The following FAM184B variants were observed in gnomAD, a reference collection of about 807,000 sequenced individuals.
FAM184B encodes the protein family with sequence similarity 184 member B, also known as protein FAM184B.
A neutral mutation model predicts 135.9 loss-of-function variants in FAM184B; 111 were observed. The observed-to-expected ratio is 0.82, with a 90% CI of 0.70 to 0.96. The LOEUF (loss-of-function observed/expected upper bound fraction) is 0.96, where lower values mean the gene tolerates loss of function less well. Ranked by LOEUF, FAM184B falls within the 40% of genes least tolerant of loss-of-function variation. The probability of loss-of-function intolerance (pLI) is 0.00; values close to 1 mark genes in which losing one functional copy is unlikely to be tolerated. For synonymous variants in FAM184B, 552 were observed against 524.8 expected, an observed-to-expected ratio of 1.05 and a Z score of -0.71; for missense variants, 1,375 against 1,323.9, an observed-to-expected ratio of 1.04 and a Z score of -0.60.
intron 5 of FAM184B, among the ~76,000 whole-genome samples, chr4:17,697,147 C>A (rs1472379972): frequency 6.6e-6 from 1 of 152,080 alleles, no homozygotes; most frequent in African/African-American, 2.4e-5. Flanking sequence ...AGCATGGTAC[C>A]ACTGAGGAGA....
chr4:17,688,680 CTTTTTTTTTTTTTT>C lies in FAM184B; in HGVS notation c.1489-163_1489-150del, dbSNP rs34337003. ...ATTCTACACACACTTCTAGAAATGC[CTTTTTTTTTTTTTT>C]TTTTTTTTTTTTTCTGATCCAGGGT... On this transcript the variant is annotated intron_variant, in intron 6 of 17. Coordinates refer to ENST00000265018, the MANE Select transcript of FAM184B (RefSeq NM_015688.2). 27 of 117,956 alleles carry C rather than the reference CTTTTTTTTTTTTTT, an allele frequency of 2.3e-4. No homozygotes were observed. In the South Asian group the frequency reaches 2.5e-3, roughly 11 times the overall value. 7.3% of individuals were successfully genotyped at this position (117,956 alleles called of 1,614,324 possible). A position where few individuals can be genotyped will look rare whatever the true frequency, so the allele number is the denominator to read the frequency against.
rs981587746 is a variant in FAM184B, at chr4:17,696,305, C to A, written c.1378-2893G>T. Reference sequence around the variant, plus strand: ...CTGCCTTCTTAAGGAAAATTTAGTTCCTAGTACAGAAAAATGCTTGACTGT... The same window carrying A: ...CTGCCTTCTTAAGGAAAATTTAGTTACTAGTACAGAAAAATGCTTGACTGT... On this transcript the variant is annotated intron_variant, in intron 5 of 17. Coordinates refer to ENST00000265018, the MANE Select transcript of FAM184B (RefSeq NM_015688.2). 2.0e-5 allele frequency among the ~76,000 whole-genome samples: 3 copies of A among 152,156 alleles called. No homozygotes were observed. In the East Asian group the frequency reaches 5.8e-4, roughly 29 times the overall value.
intron 17 of FAM184B, 184 bp downstream of exon 17, chr4:17,633,505 A>G (rs1715026297): frequency 3.8e-6 from 2 of 530,652 alleles, no homozygotes; most frequent in South Asian, 7.1e-5. Context: ...TCCAGGCCAG[A>G]TGGAGTCCAC....
intron 7 of FAM184B, among the ~76,000 whole-genome samples, chr4:17,685,414 T>C (rs1367552250): frequency 6.6e-6 from 1 of 151,394 alleles, no homozygotes; most frequent in Non-Finnish European, 1.5e-5. Context: ...TCGGGCGTGG[T>C]GGTGTGCGCC....
At chr4:17,671,148 G>A (rs1463962993) in intron 7 of FAM184B, among the ~76,000 whole-genome samples, 1 of 152,090 alleles carries the variant, frequency 6.6e-6, no homozygotes, top group African/African-American at 2.4e-5. Flanking sequence ...CACTAAAGCT[G>A]GTAGGGAGAT....
chr4:17,737,144 CAAA>C (rs1254082784), intron 1 of FAM184B, among the ~76,000 whole-genome samples: 1 of 116,240 alleles, frequency 8.6e-6, no homozygotes. Flanking sequence ...GACTTCGTCT[CAAA>C]AAAAAAAAAA....
intron 8 of FAM184B, among the ~76,000 whole-genome samples, chr4:17,661,547 C>A (rs1404593020): frequency 1.3e-5 from 2 of 152,160 alleles, no homozygotes; most frequent in Non-Finnish European, 2.9e-5. Context: ...GAGCGAAACT[C>A]CACCTCAAAC....
chr4:17,766,323 G>A (rs1436593842), intron 1 of FAM184B, among the ~76,000 whole-genome samples: 1 of 152,170 alleles, frequency 6.6e-6, no homozygotes, highest in Non-Finnish European at 1.5e-5. Context: ...GTCCTCACTG[G>A]ATTAGCTACA....
chr4:17,670,108 G>T (rs556679195), intron 7 of FAM184B, among the ~76,000 whole-genome samples: 15 of 152,278 alleles, frequency 9.9e-5, no homozygotes, highest in African/African-American at 3.6e-4. Context: ...AGGTTTAAAA[G>T]AATCAGATAA....
chr4:17,728,537 C>T (rs759838210), intron 1 of FAM184B, among the ~76,000 whole-genome samples: 7 of 152,094 alleles, frequency 4.6e-5, no homozygotes, highest in African/African-American at 7.2e-5. Context: ...TTGCAGACTC[C>T]GTCTCTCGGG....
chr4:17,749,656 C>G (rs1270740077), intron 1 of FAM184B, among the ~76,000 whole-genome samples: 2 of 152,038 alleles, frequency 1.3e-5, no homozygotes, highest in Non-Finnish European at 2.9e-5. Flanking sequence ...CATTAAAAAA[C>G]AAGGTTGTAT....
chr4:17,656,053 G>A (rs1715773081), intron 10 of FAM184B, among the ~76,000 whole-genome samples: 1 of 152,152 alleles, frequency 6.6e-6, no homozygotes, highest in Admixed American at 6.5e-5. Context: ...GCTTATACCC[G>A]ATGGGCAGAG....
intron 1 of FAM184B, among the ~76,000 whole-genome samples, chr4:17,765,384 G>A (rs991592608): frequency 3.0e-4 from 45 of 152,000 alleles, no homozygotes; most frequent in African/African-American, 1.1e-3. Flanking sequence ...CAAACGAGGG[G>A]CCACTACAAT....
At chr4:17,767,207 G>A (rs73096913) in intron 1 of FAM184B, among the ~76,000 whole-genome samples, 1 of 152,312 alleles carries the variant, frequency 6.6e-6, no homozygotes, top group African/African-American at 2.4e-5. Flanking sequence ...CTCGTGGCAA[G>A]CAGAGGGAGC....
chr4:17,639,777 C>G (rs1371278641), intron 13 of FAM184B, among the ~76,000 whole-genome samples: 1 of 151,782 alleles, frequency 6.6e-6, no homozygotes, highest in East Asian at 1.9e-4. Flanking sequence ...ACTCTGAGAC[C>G]TGGGAGACCA....
chr4:17,635,557 TTG>T (rs148665797), intron 15 of FAM184B, among the ~76,000 whole-genome samples: 3 of 152,238 alleles, frequency 2.0e-5, no homozygotes, highest in African/African-American at 4.8e-5. Flanking sequence ...CCGATCTTGT[TTG>T]TGTGTATCAT....
At chr4:17,673,952 T>C (rs1472687923) in intron 7 of FAM184B, among the ~76,000 whole-genome samples, 1 of 151,496 alleles carries the variant, frequency 6.6e-6, no homozygotes, top group African/African-American at 2.4e-5. Flanking sequence ...CAAACAAAAA[T>C]AAATGAAAGA....
At chr4:17,641,313 T>TAAAGAGCACACAGC (rs1269736419) in intron 13 of FAM184B, among the ~76,000 whole-genome samples, 55 of 152,084 alleles carry the variant, frequency 3.6e-4, no homozygotes, top group Non-Finnish European at 6.0e-4. Context: ...ACACAGCTAA[T>TAAAGAGCACACAGC]TAAGAGCGCA....
intron 5 of FAM184B, among the ~76,000 whole-genome samples, chr4:17,700,158 G>C (rs1032580244): frequency 6.6e-6 from 1 of 152,090 alleles, no homozygotes; most frequent in African/African-American, 2.4e-5. Flanking sequence ...GAACAGATGT[G>C]ACAAGTAGGA....
Sources: allele counts gnomAD v4.1 joint callset (sites outside exome capture counted in the v4.1 genomes callset), GRCh38; gene constraint gnomAD v4.1.1; transcripts MANE v1.5; gene names NCBI Gene and HGNC (gene_info 2026-07-23, HGNC 2026-07-21).